Variants in ASH2L observed in about 807,000 individuals in gnomAD.
ASH2L encodes set1/Ash2 histone methyltransferase complex subunit ASH2.
ASH2L carries 30 observed loss-of-function variants against 81.1 expected under a neutral mutation model. The observed-to-expected ratio is 0.37, with a 90% confidence interval of 0.28 to 0.50. The LOEUF is 0.50. ASH2L is among the 20% of genes least tolerant of loss of function. The pLI is 0.95. For missense variants in ASH2L, 559 were observed against 792.1 expected, an observed-to-expected ratio of 0.71 and a Z score of 3.53; for synonymous variants, 273 against 279.9, an observed-to-expected ratio of 0.98 and a Z score of 0.24.
intron 14 of ASH2L, among the ~76,000 whole-genome samples, chr8:38,136,102 A>ATTTTTTT (rs772313591): frequency 2.0e-5 from 2 of 97,862 alleles, no homozygotes; most frequent in Non-Finnish European, 4.1e-5. Context: ...GCTTACAATG[A>ATTTTTTT]TTTTTTTTTT....
intron 13 of ASH2L, among the ~76,000 whole-genome samples, chr8:38,133,796 G>A (rs1802152057): frequency 6.6e-6 from 1 of 152,138 alleles, no homozygotes; most frequent in African/African-American, 2.4e-5. Flanking sequence ...TAAAAATAGT[G>A]GCCTGCACCA....
chr8:38,105,890 C>T (rs1250861455), intron 1 of ASH2L, 152 bp downstream of exon 1: 8 of 1,455,532 alleles, frequency 5.5e-6, no homozygotes, highest in East Asian at 2.5e-5. Context: ...CCCGTCCCCT[C>T]TCAAGCATAT....
intron 3 of ASH2L, among the ~76,000 whole-genome samples, chr8:38,109,957 T>C (rs1023111536): frequency 6.6e-5 from 10 of 152,214 alleles, no homozygotes; most frequent in African/African-American, 2.2e-4. Context: ...TTATTAACTT[T>C]CGTGACAGAA....
chr8:38,107,288 G>A, intron 3 of ASH2L, 122 bp downstream of exon 3: 1 of 1,242,502 alleles, frequency 8.0e-7, no homozygotes, highest in Non-Finnish European at 1.1e-6. Context: ...CCCCTATTCA[G>A]CAAGTAGGAT....
chr8:38,135,156 A>G (rs1229572896), intron 13 of ASH2L, among the ~76,000 whole-genome samples: 2 of 152,162 alleles, frequency 1.3e-5, no homozygotes, highest in Non-Finnish European at 2.9e-5. Flanking sequence ...CTCCCAGCTT[A>G]CTTTTATAAA....
chr8:38,105,495 C>G (rs1810373419), upstream of ASH2L: 3 of 1,470,898 alleles, frequency 2.0e-6, no homozygotes, highest in South Asian at 1.3e-5. Context: ...CAGCGTCACA[C>G]AGCAACGCGC....
rs966725273 is a variant in ASH2L, at chr8:38,105,599, G to A, written c.49G>A (p.Gly17Ser). Residue 17 changes from glycine (G) to serine (S), a missense_variant, in exon 1 of 16, where the codon GGC becomes AGC. Around this residue, in one of 4 missense-constraint regions of ASH2L, gnomAD observed 145 missense variants for 115.5 expected, o/e 1.26. Coordinates refer to ENST00000343823, the MANE Select transcript of ASH2L (RefSeq NM_004674.5). ...GPGQEAGAGP[G>S]PGAVANATGA... ...TGGCCAGGAAGCGGGTGCCGGGCCT[G>A]GCCCAGGAGCGGTCGCAAATGCAAC... The A allele has an allele frequency of 1.3e-6, 2 of 1,599,442 alleles. No individual in the cohort carries two copies. The highest frequency in any genetic ancestry group is 1.7e-6 in the Non-Finnish European group (2 of 1,172,794).
In ASH2L at chr8:38,105,605, G is replaced by C; in HGVS notation, c.55G>C (p.Gly19Arg). ...GGAAGCGGGTGCCGGGCCTGGCCCAGGAGCGGTCGCAAATGCAACAGGGGC... is the reference window on the plus strand; with the variant it reads ...GGAAGCGGGTGCCGGGCCTGGCCCACGAGCGGTCGCAAATGCAACAGGGGC... ...GQEAGAGPGP[G>R]AVANATGAEE... is the part of the protein sequence containing the mutation. The change falls in exon 1 of 16, where the codon GGA becomes CGA. Residue 19 changes from glycine to arginine, a missense_variant. By Grantham distance (125) the Gly-to-Arg change is moderately radical. Around this residue, in one of 4 missense-constraint regions of ASH2L, gnomAD observed 145 missense variants for 115.5 expected, o/e 1.26. Transcript: ENST00000343823. 6.2e-7 allele frequency: 1 copy of C among 1,601,276 alleles called. No homozygotes were observed. Among genetic ancestry groups the C allele is most frequent in the Non-Finnish European group, 8.5e-7 (1 of 1,174,284 alleles).
At position 38,114,164 on chromosome 8, in the gene ASH2L, A is replaced by G. The variant is rs199602895; in HGVS notation, c.586-28A>G. 31 of 1,300,900 alleles carry G rather than the reference A, an allele frequency of 2.4e-5. No individual in the cohort carries two copies. The East Asian group carries it at 7.3e-4, about 31-fold the overall frequency. 80.6% of individuals were successfully genotyped at this position (1,300,900 alleles called of 1,614,324 possible). A position where few individuals can be genotyped will look rare whatever the true frequency, so the allele number is the denominator to read the frequency against. On this transcript the variant is annotated intron_variant, in intron 5 of 15. Transcript: ENST00000343823. ...TCAGCATATCTTTGATTGCAGCAGTAATAGTCTTAATTTATTTTGAAAATT... is the reference window on the plus strand; with the variant it reads ...TCAGCATATCTTTGATTGCAGCAGTGATAGTCTTAATTTATTTTGAAAATT...
At chr8:38,122,301 T>C (rs370885372) in intron 10 of ASH2L, 1 of 152,308 alleles carries the variant, frequency 6.6e-6, no homozygotes, top group East Asian at 1.9e-4. Context: ...ATATTTTCTG[T>C]GCCCCAGGCC....
At chr8:38,116,595 A>G (rs1453614896) in intron 7 of ASH2L, 55 bp from the exon 8 acceptor site, 13 of 1,335,164 alleles carry the variant, frequency 9.7e-6, no homozygotes, top group South Asian at 7.3e-5. Context: ...TTTTATGAGC[A>G]TCCAGATTGA....
At chr8:38,116,487 C>T (rs985322951) in intron 7 of ASH2L, among the ~76,000 whole-genome samples, 163 bp from the exon 8 acceptor site, 4 of 152,108 alleles carry the variant, frequency 2.6e-5, no homozygotes, top group African/African-American at 4.8e-5. Flanking sequence ...AAGCCGAGAT[C>T]GCGCCACTGT....
chr8:38,139,125 T>C lies in ASH2L; in HGVS notation c.*54T>C. 7.4e-7 allele frequency: 1 copy of C among 1,357,804 alleles called. No homozygotes were observed. The highest frequency in any genetic ancestry group is 1.0e-6 in the Non-Finnish European group (1 of 998,864). 84.1% of individuals were successfully genotyped at this position (1,357,804 alleles called of 1,614,324 possible). On this transcript the variant is annotated 3_prime_UTR_variant, in exon 16 of 16. Coordinates refer to ENST00000343823, the MANE Select transcript of ASH2L (RefSeq NM_004674.5). The stretch of plus-strand genomic sequence containing the variant: ...TCTGGGAATAATACTGGGGGTTTTG[T>C]TTTTGTTTTTGAACTGTCTCAAATG...
intron 13 of ASH2L, among the ~76,000 whole-genome samples, chr8:38,134,145 C>A (rs367621302): frequency 1.3e-5 from 2 of 152,096 alleles, no homozygotes; most frequent in Admixed American, 6.6e-5. Context: ...AGAGTCATCA[C>A]CACTCCCTAA....
At chr8:38,111,452 A>G (rs1408967902) in intron 5 of ASH2L, among the ~76,000 whole-genome samples, 1 of 151,708 alleles carries the variant, frequency 6.6e-6, no homozygotes, top group Non-Finnish European at 1.5e-5. Context: ...TAGTGACACC[A>G]TCACGGCTCA....
At position 38,128,964 on chromosome 8, in the gene ASH2L, T is replaced by G; in HGVS notation, c.1527+13T>G. ...ATACAAAGATAAGGTGAGTTTGTCC[T>G]CTCCCGGCAGATTCCTGGCTTTGAA... On this transcript the variant is annotated intron_variant, in intron 12 of 15. Coordinates refer to ENST00000343823, the MANE Select transcript of ASH2L (RefSeq NM_004674.5). 1.2e-6 allele frequency: 2 copies of G among 1,606,124 alleles called. No individual in the cohort carries two copies. Among genetic ancestry groups the G allele is most frequent in the Non-Finnish European group, 1.7e-6 (2 of 1,176,506 alleles).
At chr8:38,117,565 T>A in intron 8 of ASH2L, 1 of 702,682 alleles carries the variant, frequency 1.4e-6, no homozygotes. Flanking sequence ...AGCTAAAAAC[T>A]ACATAATTTG....
rs376745411 is a variant in ASH2L at position 38,111,011 on chromosome 8, T to C, written c.585+178T>C. On this transcript the variant is annotated intron_variant, in intron 5 of 15. Coordinates refer to ENST00000343823, the MANE Select transcript of ASH2L (RefSeq NM_004674.5). Reference sequence around the variant, plus strand: ...ATGCAGTGATGCGATCTCAGCTCAGTGCACCCTCTGCCTCCTGGGTCCCAG... The same window carrying C: ...ATGCAGTGATGCGATCTCAGCTCAGCGCACCCTCTGCCTCCTGGGTCCCAG... Among the ~76,000 whole-genome samples the C allele has an allele frequency of 1.6e-3, 238 of 152,340 alleles. 1 individual carries two copies. Among genetic ancestry groups the C allele is most frequent in the Middle Eastern group, 6.8e-3 (2 of 294 alleles).
At chr8:38,111,080 A>G (rs980464661) in intron 5 of ASH2L, among the ~76,000 whole-genome samples, 4 of 152,020 alleles carry the variant, frequency 2.6e-5, no homozygotes, top group African/African-American at 7.2e-5. Flanking sequence ...GATTACAGGC[A>G]TGCGCCACCA....
Sources: allele counts gnomAD v4.1 joint callset (sites outside exome capture counted in the v4.1 genomes callset), GRCh38; gene constraint gnomAD v4.1.1; regional missense constraint gnomAD v4.1.1; transcripts MANE v1.5; gene names NCBI Gene and HGNC (gene_info 2026-07-23, HGNC 2026-07-21).